The following IVL variants were observed in gnomAD, a reference collection of about 807,000 sequenced individuals.
IVL encodes involucrin.
For missense variants in IVL, 722 were observed against 624.9 expected, an observed-to-expected ratio of 1.16 and a Z score of -1.66; for synonymous variants, 257 against 271.0, an observed-to-expected ratio of 0.95 and a Z score of 0.51.
rs1053483324 is a variant in IVL, at chr1:152,910,932, C to T, written c.1135C>T (p.Gln379Ter). The T allele has an allele frequency of 2.6e-6, 4 of 1,550,356 alleles. No individual in the cohort carries two copies. The African/African-American group carries it at 5.5e-5, about 21-fold the overall frequency. ...QVLQLKQLEKQQGQPKHLEEE... is the reference protein window; with the variant it reads ...QVLQLKQLEK ...GCTGCAGCTGAAGCAGCTAGAGAAG[C>T]AGCAGGGGCAGCCAAAGCACCTGGA... is the stretch of plus-strand genomic sequence containing the variant. The change falls in exon 2 of 2, where the codon CAG becomes TAG. Residue 379 changes from glutamine (Q) to a stop codon, truncating the protein, a stop_gained. Coordinates refer to ENST00000368764, the MANE Select transcript of IVL (RefSeq NM_005547.4). LOFTEE classifies it low-confidence loss of function (END_TRUNC).
At position 152,910,817 on chromosome 1, in the gene IVL, G is replaced by C; in HGVS notation, c.1020G>C (p.Glu340Asp). Residue 340 changes from glutamate to aspartate, a missense_variant, in exon 2 of 2, where the codon GAG (glutamate) becomes GAC (aspartate). Coordinates refer to ENST00000368764, the MANE Select transcript of IVL (RefSeq NM_005547.4). ...EGQLEQLEEQ[E>D]GQLKHLEQQE... is the part of the protein sequence containing the mutation. ...AACTGGAGCAGCTGGAGGAGCAGGA[G>C]GGGCAGCTGAAGCACCTGGAGCAGC... 6.4e-7 allele frequency: 1 copy of C among 1,551,388 alleles called. No individual in the cohort carries two copies. The highest frequency in any genetic ancestry group is 8.7e-7 in the Non-Finnish European group (1 of 1,147,194).
At chr1:152,909,652 G>A in intron 1 of IVL, 127 bp from the exon 2 acceptor site, 1 of 686,564 alleles carries the variant, frequency 1.5e-6, no homozygotes, top group Non-Finnish European at 2.4e-6. Context: ...TAGTCCAGAG[G>A]TGGTAGAACA....
In IVL at chr1:152,910,901, G is replaced by A; in HGVS notation, c.1104G>A (p.Gln368=). ...AAGGGCAGCTGGGGCTCCCAGAGCA[G>A]CAGGTGCTGCAGCTGAAGCAGCTAG... ...HQEGQLGLPE[Q]QVLQLKQLEK... Residue 368 remains glutamine (Q), a synonymous_variant, in exon 2 of 2, where the codon CAG becomes CAA. Coordinates refer to ENST00000368764, the MANE Select transcript of IVL (RefSeq NM_005547.4). 2 of 1,550,818 alleles carry A rather than the reference G, an allele frequency of 1.3e-6. No individual in the cohort carries two copies. The highest frequency in any genetic ancestry group is 1.7e-6 in the Non-Finnish European group (2 of 1,146,888).
intron 1 of IVL, among the ~76,000 whole-genome samples, chr1:152,908,882 C>T (rs1175707038): frequency 6.6e-6 from 1 of 152,164 alleles, no homozygotes; most frequent in African/African-American, 2.4e-5. Flanking sequence ...AACTTCTTTC[C>T]TAAACCTCTT....
In IVL at chr1:152,910,619, G is replaced by T. The variant is rs1453300257; in HGVS notation, c.822G>T (p.Glu274Asp). 16 of 1,551,250 alleles carry T rather than the reference G, an allele frequency of 1.0e-5. No homozygotes were observed. Among genetic ancestry groups the T allele is most frequent in the African/African-American group, 2.7e-5 (2 of 72,934 alleles). The change falls in exon 2 of 2, where the codon GAG becomes GAT. Residue 274 changes from glutamate (E) to aspartate (D), a missense_variant. Glu to Asp is a conservative substitution (Grantham distance 45). Transcript: ENST00000368764. ...KHLEHQEGQL[E>D]VPEEQMGQLK... ...TGGAGCACCAGGAGGGGCAGCTGGA[G>T]GTCCCAGAGGAGCAGATGGGGCAGC...
rs2101499563 is a variant in IVL, at chr1:152,911,141, G to T, written c.1344G>T (p.Gly448=). ...GQLKHLEQQQ[G]QLEVPEQQVG... is the part of the protein sequence containing the mutation. ...TGAAGCATCTGGAGCAGCAGCAGGG[G>T]CAGTTGGAGGTCCCAGAGCAGCAGG... Residue 448 remains glycine (G), a synonymous_variant, in exon 2 of 2, where the codon GGG becomes GGT. Coordinates refer to ENST00000368764, the MANE Select transcript of IVL (RefSeq NM_005547.4). 1 of 1,557,988 alleles carries T rather than the reference G, an allele frequency of 6.4e-7. No homozygotes were observed. Among genetic ancestry groups the T allele is most frequent in the Non-Finnish European group, 8.7e-7 (1 of 1,150,564 alleles).
rs1649978205 is a variant in IVL at position 152,911,165 on chromosome 1, G to A, written c.1368G>A (p.Gln456=). The A allele has an allele frequency of 6.4e-7, 1 of 1,558,800 alleles. No individual in the cohort carries two copies. The highest frequency in any genetic ancestry group is 2.0e-5 in the Admixed American group (1 of 50,716). The change falls in exon 2 of 2, where the codon CAG becomes CAA. Residue 456 remains glutamine, a synonymous_variant. Coordinates refer to ENST00000368764, the MANE Select transcript of IVL (RefSeq NM_005547.4). ...QQGQLEVPEQ[Q]VGQPKNLEQE... ...GGCAGTTGGAGGTCCCAGAGCAGCA[G>A]GTGGGGCAGCCAAAGAACCTGGAGC...
intron 1 of IVL, among the ~76,000 whole-genome samples, chr1:152,909,503 C>G (rs913661866): frequency 6.6e-6 from 1 of 152,170 alleles, no homozygotes; most frequent in Non-Finnish European, 1.5e-5. Flanking sequence ...TGAGCTGGCA[C>G]CTGACCCACC....
At position 152,910,281 on chromosome 1, in the gene IVL, C is replaced by T; in HGVS notation, c.484C>T (p.His162Tyr). Residue 162 changes from histidine (H) to tyrosine (Y), a missense_variant, in exon 2 of 2, where the codon CAC becomes TAC. Physicochemically the swap from His to Tyr is moderately conservative, Grantham distance 83 (BLOSUM62 2). Transcript: ENST00000368764. Reference protein sequence around the residue: ...LLELPEQQEGHLKHLEQQEGQ... With the variant: ...LLELPEQQEGYLKHLEQQEGQ... ...GGAGCTCCCAGAGCAGCAGGAGGGGCACCTGAAGCACCTAGAGCAGCAGGA... is the reference window on the plus strand; with the variant it reads ...GGAGCTCCCAGAGCAGCAGGAGGGGTACCTGAAGCACCTAGAGCAGCAGGA... 3.1e-6 allele frequency: 5 copies of T among 1,612,572 alleles called. No individual in the cohort carries two copies. The highest frequency in any genetic ancestry group is 4.2e-6 in the Non-Finnish European group (5 of 1,179,244).
At chr1:152,909,675 A>T in intron 1 of IVL, 104 bp from the exon 2 acceptor site, 2 of 840,798 alleles carry the variant, frequency 2.4e-6, no homozygotes, top group Non-Finnish European at 3.7e-6. Context: ...ACCCTGCCCA[A>T]GGGAAGAGGG....
At position 152,910,067 on chromosome 1, in the gene IVL, G is replaced by C. The variant is rs201279635; in HGVS notation, c.270G>C (p.Gln90His). 2.0e-5 allele frequency: 32 copies of C among 1,614,166 alleles called. No homozygotes were observed. The African/African-American group carries it at 3.3e-4, about 17-fold the overall frequency. The change falls in exon 2 of 2, where the codon CAG becomes CAC. Residue 90 changes from glutamine to histidine, a missense_variant. Coordinates refer to ENST00000368764, the MANE Select transcript of IVL (RefSeq NM_005547.4). ...KEPQEQELQQQHWEQHEEYQK... is the reference protein window; with the variant it reads ...KEPQEQELQQHHWEQHEEYQK... Reference sequence around the variant, plus strand: ...CACAGGAGCAGGAGCTGCAGCAACAGCACTGGGAACAGCATGAGGAATATC... The same window carrying C: ...CACAGGAGCAGGAGCTGCAGCAACACCACTGGGAACAGCATGAGGAATATC...
rs1650001662 is a variant in IVL at position 152,911,582 on chromosome 1, G to T, written c.*27G>T. 1 of 1,572,798 alleles carries T rather than the reference G, an allele frequency of 6.4e-7. No homozygotes were observed. The highest frequency in any genetic ancestry group is 1.4e-5 in the African/African-American group (1 of 73,782). On this transcript the variant is annotated 3_prime_UTR_variant, in exon 2 of 2. Transcript: ENST00000368764. ...CACCCGCAGTGTCCAGAGGCCCTCA[G>T]ATCGTCTCATACAAGGGAAGAGAGA...
In IVL at chr1:152,911,007, A is replaced by C; in HGVS notation, c.1210A>C (p.Lys404Gln). ...CCTGGTGCAGCAGGAGGGGCAGCTG[A>C]AGCATCTGGTGCAGCAGGAGGGGCA... ...KHLVQQEGQL[K>Q]HLVQQEGQLE... is the part of the protein sequence containing the mutation. Residue 404 changes from lysine (K) to glutamine (Q), a missense_variant, in exon 2 of 2, where the codon AAG becomes CAG. Transcript: ENST00000368764. 2.6e-6 allele frequency: 4 copies of C among 1,533,650 alleles called. No individual in the cohort carries two copies. Among genetic ancestry groups the C allele is most frequent in the Non-Finnish European group, 8.8e-7 (1 of 1,139,974 alleles).
In IVL at chr1:152,910,245, G is replaced by A. The variant is rs769950432; in HGVS notation, c.448G>A (p.Glu150Lys). 5.0e-6 allele frequency: 8 copies of A among 1,614,070 alleles called. No homozygotes were observed. Among genetic ancestry groups the A allele is most frequent in the Non-Finnish European group, 2.5e-6 (3 of 1,180,048 alleles). Reference protein sequence around the residue: ...KRDEQLGMKKEQLLELPEQQE... With the variant: ...KRDEQLGMKKKQLLELPEQQE... Reference sequence around the variant, plus strand: ...AGATGAGCAACTGGGAATGAAGAAAGAGCAACTGTTGGAGCTCCCAGAGCA... The same window carrying A: ...AGATGAGCAACTGGGAATGAAGAAAAAGCAACTGTTGGAGCTCCCAGAGCA... Residue 150 changes from glutamate (E) to lysine (K), a missense_variant, in exon 2 of 2, where the codon GAG (glutamate) becomes AAG (lysine). Physicochemically the swap from Glu to Lys is moderately conservative, Grantham distance 56. Transcript: ENST00000368764.
rs763794170 is a variant in IVL, at chr1:152,909,814, C to T, written c.17C>T (p.Thr6Ile). The T allele has an allele frequency of 1.9e-6, 3 of 1,612,814 alleles. No individual in the cohort carries two copies. Among genetic ancestry groups the T allele is most frequent in the East Asian group, 2.2e-5 (1 of 44,874 alleles). ...GCTTCTAAGATGTCCCAGCAACACA[C>T]ACTGCCAGTGACCCTCTCCCCTGCC... is the stretch of plus-strand genomic sequence containing the variant. MSQQH[T>I]LPVTLSPALS... The change falls in exon 2 of 2, where the codon ACA becomes ATA. Residue 6 changes from threonine to isoleucine, a missense_variant. Physicochemically the swap from Thr to Ile is moderately conservative, Grantham distance 89 (BLOSUM62 -1). Transcript: ENST00000368764.
At position 152,911,211 on chromosome 1, in the gene IVL, C is replaced by T. The variant is rs146331989; in HGVS notation, c.1414C>T (p.Leu472Phe). 271 of 1,556,104 alleles carry T rather than the reference C, an allele frequency of 1.7e-4. No individual in the cohort carries two copies. The highest frequency in any genetic ancestry group is 2.1e-4 in the Non-Finnish European group (241 of 1,149,986). The change falls in exon 2 of 2, where the codon CTC (leucine) becomes TTC (phenylalanine). Residue 472 changes from leucine (L) to phenylalanine (F), a missense_variant. Transcript: ENST00000368764. ...GGAGCAGGAGGAGAAGCAACTGGAG[C>T]TCCCAGAGCAGCAAGAGGGCCAGGT... ...NLEQEEKQLELPEQQEGQVKH... is the reference protein window; with the variant it reads ...NLEQEEKQLEFPEQQEGQVKH...
At chr1:152,909,428 G>A (rs967148557) in intron 1 of IVL, among the ~76,000 whole-genome samples, 8 of 152,134 alleles carry the variant, frequency 5.3e-5, no homozygotes, top group Admixed American at 3.9e-4. Flanking sequence ...ATCCCAGAAC[G>A]CATCTCTGCT....
Position 152,911,539 on chromosome 1 carries a change from CA to C in IVL, c.1743del (p.Lys583AsnfsTer49). The C allele has an allele frequency of 6.2e-7, 1 of 1,611,426 alleles. No individual in the cohort carries two copies. Among genetic ancestry groups the C allele is most frequent in the Non-Finnish European group, 8.5e-7 (1 of 1,178,650 alleles). ...CAGCAGAAGCAGGAGGTGCAGTGGC[CA>C]CCCAAACATAAATAACCACCCGCAG... ...HQQQKQEVQW[P>X]PKHK On this transcript the variant is annotated frameshift_variant, in exon 2 of 2. Coordinates refer to ENST00000368764, the MANE Select transcript of IVL (RefSeq NM_005547.4). LOFTEE classifies it high-confidence loss of function.
chr1:152,908,780 G>C (rs1459628947), intron 1 of IVL, among the ~76,000 whole-genome samples, 191 bp downstream of exon 1: 1 of 152,240 alleles, frequency 6.6e-6, no homozygotes, highest in Non-Finnish European at 1.5e-5. Flanking sequence ...AGAACAGAGA[G>C]TAATCATCCT....
Sources: allele counts gnomAD v4.1 joint callset (sites outside exome capture counted in the v4.1 genomes callset), GRCh38; gene constraint gnomAD v4.1.1; transcripts MANE v1.5; gene names NCBI Gene and HGNC (gene_info 2026-07-23, HGNC 2026-07-21).